BNC2: variants seen among roughly 807,000 people sequenced by gnomAD.
The protein encoded by BNC2 is zinc finger protein basonuclin-2.
In BNC2, 20 loss-of-function variants were observed where a neutral mutation model predicts 76.3. The observed-to-expected ratio is 0.26, with a 90% CI of 0.18 to 0.38. BNC2 has a LOEUF of 0.38. Among genes scored for constraint, BNC2 ranks in the 10% least tolerant of loss-of-function variants. The pLI, the probability that BNC2 is intolerant of heterozygous loss-of-function variation, is 1.00. For synonymous variants in BNC2, 582 were observed against 514.8 expected (o/e 1.13, Z -1.77); for missense variants, 1,382 against 1,399.8 (o/e 0.99, Z 0.20).
At chr9:16,866,761 CAG>C (rs1472779085) in intron 1 of BNC2, among the ~76,000 whole-genome samples, 1 of 151,672 alleles carries the variant, frequency 6.6e-6, no homozygotes, top group Non-Finnish European at 1.5e-5. Context: ...TTCTGATGGC[CAG>C]AGTGTTTTTT....
At chr9:16,674,766 T>A (rs901043856) in intron 3 of BNC2, among the ~76,000 whole-genome samples, 3 of 152,186 alleles carry the variant, frequency 2.0e-5, no homozygotes, top group African/African-American at 7.2e-5. Context: ...AGATGGTTTA[T>A]ATAACATTGA....
chr9:16,565,468 T>C (rs1408228815), intron 4 of BNC2, among the ~76,000 whole-genome samples: 2 of 152,150 alleles, frequency 1.3e-5, no homozygotes. Context: ...AAAACAGCTA[T>C]GATTTGGGCC....
intron 5 of BNC2, among the ~76,000 whole-genome samples, chr9:16,486,267 G>A (rs559344864): frequency 6.6e-6 from 1 of 152,330 alleles, no homozygotes; most frequent in South Asian, 2.1e-4. Flanking sequence ...AGAGGAAAAT[G>A]AAGACCTGGG....
chr9:16,866,477 T>A (rs1455320335), intron 1 of BNC2, among the ~76,000 whole-genome samples: 1 of 151,960 alleles, frequency 6.6e-6, no homozygotes, highest in Non-Finnish European at 1.5e-5. Flanking sequence ...ACTGGCCTCC[T>A]AAAACGAGAG....
At chr9:16,798,529 T>C (rs1817708584) in intron 1 of BNC2, among the ~76,000 whole-genome samples, 1 of 152,098 alleles carries the variant, frequency 6.6e-6, no homozygotes, top group Non-Finnish European at 1.5e-5. Context: ...GACAAAGCAG[T>C]CTCTTGACTC....
intron 2 of BNC2, among the ~76,000 whole-genome samples, chr9:16,730,091 C>A (rs1563918147): frequency 6.6e-6 from 1 of 151,840 alleles, no homozygotes; most frequent in South Asian, 2.1e-4. Flanking sequence ...TCCCAGGTAT[C>A]CTACCCAACA....
chr9:16,498,075 T>C (rs929375123), intron 5 of BNC2, among the ~76,000 whole-genome samples: 8 of 145,340 alleles, frequency 5.5e-5, no homozygotes, highest in African/African-American at 1.1e-4. Flanking sequence ...ATATATATTC[T>C]ATCATATATA....
chr9:16,601,032 G>T (rs1033431745), intron 3 of BNC2, among the ~76,000 whole-genome samples: 2 of 152,176 alleles, frequency 1.3e-5, no homozygotes, highest in African/African-American at 2.4e-5. Context: ...GGCAAGAGGA[G>T]TCTGTAAATT....
chr9:16,504,556 C>T (rs907405403), intron 5 of BNC2, among the ~76,000 whole-genome samples: 2 of 152,066 alleles, frequency 1.3e-5, no homozygotes, highest in African/African-American at 4.8e-5. Flanking sequence ...AAGATACAGA[C>T]CCTCCAAATA....
At chr9:16,761,994 A>G (rs1825564445) in intron 1 of BNC2, among the ~76,000 whole-genome samples, 1 of 152,262 alleles carries the variant, frequency 6.6e-6, no homozygotes, top group African/African-American at 2.4e-5. Flanking sequence ...CATGGAAAGT[A>G]GCAAAACTTT....
chr9:16,660,559 G>A (rs528252698), intron 3 of BNC2, among the ~76,000 whole-genome samples: 29 of 152,048 alleles, frequency 1.9e-4, no homozygotes, highest in Admixed American at 6.5e-4. Flanking sequence ...CCAATAGCAC[G>A]GACTATAATT....
intron 1 of BNC2, among the ~76,000 whole-genome samples, chr9:16,859,848 C>T (rs1293153543): frequency 6.6e-6 from 1 of 152,222 alleles, no homozygotes; most frequent in Non-Finnish European, 1.5e-5. Flanking sequence ...GGGCCAGGCA[C>T]GGCGGCTCAC....
At chr9:16,446,440 C>G (rs945411181) in intron 5 of BNC2, among the ~76,000 whole-genome samples, 3 of 151,844 alleles carry the variant, frequency 2.0e-5, no homozygotes, top group African/African-American at 7.3e-5. Flanking sequence ...TGATATATTT[C>G]CCAGTATACA....
intron 3 of BNC2, among the ~76,000 whole-genome samples, chr9:16,629,652 C>T (rs527483423): frequency 6.6e-6 from 1 of 152,266 alleles, no homozygotes; most frequent in African/African-American, 2.4e-5. Flanking sequence ...CCACATAAAC[C>T]AAGTCACATG....
intron 1 of BNC2, among the ~76,000 whole-genome samples, chr9:16,767,127 G>A (rs1389815888): frequency 4.6e-5 from 7 of 152,224 alleles, no homozygotes; most frequent in Admixed American, 1.3e-4. Context: ...GTAAGAGTGA[G>A]GGAGAGGGAT....
At chr9:16,803,015 C>A (rs908482076) in intron 1 of BNC2, among the ~76,000 whole-genome samples, 1 of 152,146 alleles carries the variant, frequency 6.6e-6, no homozygotes, top group Non-Finnish European at 1.5e-5. Context: ...TTAATATTCT[C>A]CCCAAGTGTC....
chr9:16,660,576 CACAA>C (rs1048186411), intron 3 of BNC2, among the ~76,000 whole-genome samples: 1 of 151,928 alleles, frequency 6.6e-6, no homozygotes, highest in African/African-American at 2.4e-5. Flanking sequence ...AATTAGCCTT[CACAA>C]ACAAAGCCAA....
chr9:16,787,805 C>G (rs192048727), intron 1 of BNC2, among the ~76,000 whole-genome samples: 199 of 152,264 alleles, frequency 1.3e-3, no homozygotes, highest in African/African-American at 4.7e-3. Context: ...CCTGGTTCAG[C>G]GTCCCAAAGT....
intron 5 of BNC2, among the ~76,000 whole-genome samples, chr9:16,474,507 G>T (rs143041098): frequency 2.0e-5 from 3 of 152,110 alleles, no homozygotes; most frequent in African/African-American, 7.2e-5. Flanking sequence ...GGAGAGCATG[G>T]GAGATGAACC....
Sources: gnomAD v4.1 joint callset for allele counts (sites outside exome capture counted in the v4.1 genomes callset) on GRCh38, gnomAD v4.1.1 for gene constraint, MANE v1.5 for transcripts, NCBI Gene and HGNC (gene_info 2026-07-23, HGNC 2026-07-21) for gene names.